The following SRCIN1 variants were observed in gnomAD, a reference collection of about 807,000 sequenced individuals.
SRCIN1 encodes SRC kinase signaling inhibitor 1.
A neutral mutation model predicts 116.2 loss-of-function variants in SRCIN1; 50 were observed. The ratio of observed to expected loss-of-function variants is 0.43; its 90% confidence interval spans 0.34 to 0.54. The LOEUF is 0.54. Ranked by LOEUF, SRCIN1 falls within the 20% of genes least tolerant of loss-of-function variation. The pLI is 0.02. For missense variants in SRCIN1, 1,446 were observed against 1,672.0 expected (o/e 0.86, Z 2.36); for synonymous variants, 736 against 750.0 (o/e 0.98, Z 0.30).
At chr17:38,548,853 C>T in intron 16 of SRCIN1, 144 bp from the exon 17 acceptor site, 1 of 1,310,966 alleles carries the variant, frequency 7.6e-7, no homozygotes, top group Non-Finnish European at 1.0e-6. Context: ...CCTCAACAGA[C>T]AGGGGCCTGG....
intron 18 of SRCIN1, among the ~76,000 whole-genome samples, chr17:38,538,735 C>T (rs147323485): frequency 0.014 from 2,145 of 152,250 alleles, 172 homozygotes; most frequent in Admixed American, 0.13. Context: ...GCGATCTCAT[C>T]GAGGCTTGCT....
chr17:38,588,024 A>C (rs945339091), intron 1 of SRCIN1, among the ~76,000 whole-genome samples: 3 of 151,478 alleles, frequency 2.0e-5, no homozygotes, highest in African/African-American at 7.3e-5. Context: ...AGGTCAGGGG[A>C]TGCTCAGAGC....
At chr17:38,539,614 G>A (rs1446455947) in intron 18 of SRCIN1, among the ~76,000 whole-genome samples, 2 of 152,092 alleles carry the variant, frequency 1.3e-5, no homozygotes, top group Non-Finnish European at 2.9e-5. Context: ...TCCGGGACTC[G>A]CTAAACACCT....
chr17:38,563,013 G>T lies in SRCIN1; in HGVS notation c.741-93C>A, dbSNP rs1351399860. 23 of 1,104,010 alleles carry T rather than the reference G, an allele frequency of 2.1e-5. No homozygotes were observed. In the Admixed American group the frequency reaches 3.9e-4, roughly 19 times the overall value. 68.4% of individuals were successfully genotyped at this position (1,104,010 alleles called of 1,614,324 possible). A position where few individuals can be genotyped will look rare whatever the true frequency, so the allele number is the denominator to read the frequency against. On this transcript the variant is annotated intron_variant, in intron 5 of 18. Transcript: ENST00000617146. This position sits in a 1 kb window ranked among gnomAD's most constrained non-coding sequence, Gnocchi z 5.8. ...ACTCCAGGCCTAGAGAAGAGGGGTG[G>T]CCAGAGGCACCGGGAGCCCCATCTC...
Position 38,541,050 on chromosome 17 carries a change from C to T in SRCIN1, c.3417+2773G>A, listed in dbSNP as rs572129072. ...GTCAGGAGTTCAAGACCAGTCTGGC[C>T]AATATGGTGAAACCCCATCTCTACT... On this transcript the variant is annotated intron_variant, in intron 18 of 18. Coordinates refer to ENST00000617146, the MANE Select transcript of SRCIN1 (RefSeq NM_025248.3). Among the ~76,000 whole-genome samples the T allele has an allele frequency of 9.2e-5, 14 of 151,956 alleles. No homozygotes were observed. The South Asian group carries it at 2.7e-3, about 29-fold the overall frequency.
Position 38,585,556 on chromosome 17 carries a change from T to G in SRCIN1, c.23-6765A>C, listed in dbSNP as rs976805835. On this transcript the variant is annotated intron_variant, in intron 1 of 18. Coordinates refer to ENST00000617146, the MANE Select transcript of SRCIN1 (RefSeq NM_025248.3). The surrounding 1 kb of genome is among the most constrained non-coding windows in gnomAD (Gnocchi z 4.2). ...TTTGCTTCCCCTGCTAGTGAAGGAA[T>G]CGGCCTCCCTGTCCCTGGGTGCCCC... 1.3e-5 allele frequency among the ~76,000 whole-genome samples: 2 copies of G among 152,076 alleles called. No individual in the cohort carries two copies. The highest frequency in any genetic ancestry group is 2.9e-5 in the Non-Finnish European group (2 of 68,004).
At chr17:38,559,491 G>T in intron 10 of SRCIN1, 94 bp downstream of exon 10, 1 of 1,330,018 alleles carries the variant, frequency 7.5e-7, no homozygotes, top group Non-Finnish European at 1.0e-6. Flanking sequence ...TCTGGGAAAA[G>T]GATGAGGTAG....
intron 18 of SRCIN1, among the ~76,000 whole-genome samples, chr17:38,539,275 T>TGG (rs143443926): frequency 2.6e-5 from 4 of 152,034 alleles, no homozygotes; most frequent in African/African-American, 9.7e-5. Flanking sequence ...GAACCAATTA[T>TGG]GGGGGGGCTC....
rs1318128818 is a variant in SRCIN1, at chr17:38,585,175, C to T, written c.23-6384G>A. ...CAGGGTGAAGACACCAACTCACAAG[C>T]CCACAGGACATGGGGCTAGGCAGGG... On this transcript the variant is annotated intron_variant, in intron 1 of 18. Transcript: ENST00000617146. The surrounding 1 kb of genome is among the most constrained non-coding windows in gnomAD (Gnocchi z 4.2). Among the ~76,000 whole-genome samples, 1 of 152,170 alleles carries T rather than the reference C, an allele frequency of 6.6e-6. No homozygotes were observed. Among genetic ancestry groups the T allele is most frequent in the African/African-American group, 2.4e-5 (1 of 41,436 alleles).
chr17:38,577,935 C>T (rs1299903293), intron 2 of SRCIN1, among the ~76,000 whole-genome samples: 4 of 152,134 alleles, frequency 2.6e-5, no homozygotes, highest in South Asian at 2.1e-4. Context: ...TCACCCAGCA[C>T]GCCACGGGGT....
chr17:38,605,557 G>A (rs1909312784), intron 1 of SRCIN1, 127 bp downstream of exon 1: 1 of 614,106 alleles, frequency 1.6e-6, no homozygotes, highest in Non-Finnish European at 2.4e-6. Context: ...TCGCCCCGCC[G>A]GCCACCGCCT....
intron 1 of SRCIN1, among the ~76,000 whole-genome samples, chr17:38,596,529 T>C (rs1292632139): frequency 6.6e-6 from 1 of 152,136 alleles, no homozygotes; most frequent in Non-Finnish European, 1.5e-5. Flanking sequence ...GCAGACACTT[T>C]ACTGAGGTGC....
At chr17:38,547,596 G>A (rs1478948944) in intron 17 of SRCIN1, among the ~76,000 whole-genome samples, 1 of 152,156 alleles carries the variant, frequency 6.6e-6, no homozygotes, top group Non-Finnish European at 1.5e-5. Flanking sequence ...CTTGGAGTGG[G>A]GGAGGGGTGA....
In SRCIN1 at chr17:38,605,911, G is replaced by A. The variant is rs912038577; in HGVS notation, c.-206C>T. On this transcript the variant is annotated 5_prime_UTR_variant, in exon 1 of 19. Transcript: ENST00000617146. ...TGAGCGCGCGCGCGGGCGTGTCACC[G>A]AGTGTGCGAGAGCGAGTGTGTGTGT... 6.9e-6 allele frequency: 1 copy of A among 145,440 alleles called. No individual in the cohort carries two copies. 9.0% of individuals were successfully genotyped at this position (145,440 alleles called of 1,614,324 possible). A position where few individuals can be genotyped will look rare whatever the true frequency, so the allele number is the denominator to read the frequency against.
intron 11 of SRCIN1, among the ~76,000 whole-genome samples, chr17:38,557,721 C>A (rs1273395098): frequency 6.6e-6 from 1 of 152,214 alleles, no homozygotes; most frequent in Non-Finnish European, 1.5e-5. Flanking sequence ...AGCCCTGTTC[C>A]AGCTGCACTA....
rs1428349337 is a variant in SRCIN1 at position 38,572,134 on chromosome 17, G to C, written c.325-3903C>G. ...CTTCCAAGGAGGGAGGGCAACCCAC[G>C]GGTCCACACCGGCTCCTTAATCCCC... On this transcript the variant is annotated intron_variant, in intron 2 of 18. Coordinates refer to ENST00000617146, the MANE Select transcript of SRCIN1 (RefSeq NM_025248.3). This position sits in a 1 kb window ranked among gnomAD's most constrained non-coding sequence, Gnocchi z 4.3. Among the ~76,000 whole-genome samples the C allele has an allele frequency of 6.6e-6, 1 of 152,088 alleles. No individual in the cohort carries two copies. The highest frequency in any genetic ancestry group is 1.5e-5 in the Non-Finnish European group (1 of 67,992).
Position 38,602,085 on chromosome 17 carries a change from C to A in SRCIN1, c.22+3599G>T, listed in dbSNP as rs1339042208. ...GAGCCCAGGTATCGGGTAGAGGAAC[C>A]CTGACCCCGAGGTTCTAGGCTGCTT... On this transcript the variant is annotated intron_variant, in intron 1 of 18. Transcript: ENST00000617146. The surrounding 1 kb of genome is among the most constrained non-coding windows in gnomAD (Gnocchi z 4.2). The A allele has an allele frequency of 6.6e-6, 1 of 152,190 alleles. No homozygotes were observed. 9.4% of individuals were successfully genotyped at this position (152,190 alleles called of 1,614,324 possible). A position where few individuals can be genotyped will look rare whatever the true frequency, so the allele number is the denominator to read the frequency against.
chr17:38,533,623 G>T, intron 18 of SRCIN1, among the ~76,000 whole-genome samples, 192 bp from the exon 19 acceptor site: 2 of 144,528 alleles, frequency 1.4e-5, no homozygotes, highest in East Asian at 2.2e-4. Context: ...AAAGGGGGGG[G>T]AGGGGGCACG....
In SRCIN1 at chr17:38,568,366, G is replaced by A; in HGVS notation, c.325-135C>T. On this transcript the variant is annotated intron_variant, in intron 2 of 18. Coordinates refer to ENST00000617146, the MANE Select transcript of SRCIN1 (RefSeq NM_025248.3). The surrounding 1 kb of genome is among the most constrained non-coding windows in gnomAD (Gnocchi z 4.5). ...GGGCCCTCCACCCTCCCAGGAGCAG[G>A]AATGAAGTCATGCCTGGTACATCCA... 1.2e-6 allele frequency: 1 copy of A among 827,314 alleles called. No individual in the cohort carries two copies. Among genetic ancestry groups the A allele is most frequent in the Admixed American group, 2.0e-5 (1 of 49,196 alleles). 51.2% of individuals were successfully genotyped at this position (827,314 alleles called of 1,614,324 possible).
Sources: gnomAD v4.1 joint callset for allele counts (sites outside exome capture counted in the v4.1 genomes callset) on GRCh38, gnomAD v4.1.1 for gene constraint, Gnocchi (gnomAD v3.1) non-coding constraint, MANE v1.5 for transcripts, NCBI Gene and HGNC (gene_info 2026-07-23, HGNC 2026-07-21) for gene names.